Variants in TMEM181 observed in about 807,000 individuals in gnomAD.
The protein encoded by TMEM181 is transmembrane protein 181.
A neutral mutation model predicts 71.9 loss-of-function variants in TMEM181; 39 were observed. That is an observed-to-expected ratio of 0.54 (90% confidence interval 0.42 to 0.71). The LOEUF (loss-of-function observed/expected upper bound fraction) is 0.71. Ranked by LOEUF, TMEM181 falls within the 30% of genes least tolerant of loss-of-function variation. The probability of loss-of-function intolerance (pLI) is 0.00; values close to 1 mark genes in which losing one functional copy is unlikely to be tolerated. For missense variants in TMEM181, 595 were observed against 583.0 expected, an observed-to-expected ratio of 1.02 and a Z score of -0.21; for synonymous variants, 245 against 228.8, an observed-to-expected ratio of 1.07 and a Z score of -0.64.
At chr6:158,585,893 C>T (rs1213203276) in intron 5 of TMEM181, among the ~76,000 whole-genome samples, 2 of 152,158 alleles carry the variant, frequency 1.3e-5, no homozygotes, top group Admixed American at 6.5e-5. Context: ...GGCACAATCA[C>T]AGCTCACTGC....
In TMEM181 at chr6:158,607,359, T is replaced by C; in HGVS notation, c.673+16T>C. 6.2e-7 allele frequency: 1 copy of C among 1,608,926 alleles called. No homozygotes were observed. The highest frequency in any genetic ancestry group is 8.5e-7 in the Non-Finnish European group (1 of 1,175,240). ...CTTTACAATGGTGGGTAGTTCCATT[T>C]TTACTTAGGAACTTTTCCCTTTAAA... On this transcript the variant is annotated intron_variant, in intron 8 of 16. Transcript: ENST00000684151.
At chr6:158,563,862 A>G (rs1406983894) in intron 1 of TMEM181, among the ~76,000 whole-genome samples, 1 of 151,466 alleles carries the variant, frequency 6.6e-6, no homozygotes, top group Non-Finnish European at 1.5e-5. Context: ...GCTCACTGCA[A>G]CCTTTGCCTC....
chr6:158,572,668 C>T (rs1393015475), intron 1 of TMEM181, among the ~76,000 whole-genome samples: 2 of 152,152 alleles, frequency 1.3e-5, no homozygotes, highest in African/African-American at 4.8e-5. Context: ...GTTTGCTGGC[C>T]CTTGATACAG....
At chr6:158,578,357 C>T (rs1354239276) in intron 2 of TMEM181, among the ~76,000 whole-genome samples, 1 of 152,088 alleles carries the variant, frequency 6.6e-6, no homozygotes, top group East Asian at 1.9e-4. Context: ...TGGTGTATAA[C>T]TCCATTTTTT....
chr6:158,596,763 G>A (rs969404140), intron 6 of TMEM181, among the ~76,000 whole-genome samples: 9 of 152,148 alleles, frequency 5.9e-5, no homozygotes, highest in African/African-American at 1.9e-4. Flanking sequence ...TTACATGGGA[G>A]CAGCAAGAGA....
Position 158,602,097 on chromosome 6 carries a change from C to G in TMEM181, c.493-3170C>G, listed in dbSNP as rs117775382. Reference sequence around the variant, plus strand: ...TTGTGCCCCTTCCTCCTGTCCTTTCCCATCCCTGGGAAGTCACTGATCTGT... The same window carrying G: ...TTGTGCCCCTTCCTCCTGTCCTTTCGCATCCCTGGGAAGTCACTGATCTGT... On this transcript the variant is annotated intron_variant, in intron 6 of 16. Coordinates refer to ENST00000684151, the MANE Select transcript of TMEM181 (RefSeq NM_001376852.1). Among the ~76,000 whole-genome samples the G allele has an allele frequency of 3.2e-3, 487 of 152,332 alleles. 6 individuals are homozygous for G. The highest frequency in any genetic ancestry group is 5.5e-3 in the Non-Finnish European group (371 of 68,026).
intron 10 of TMEM181, among the ~76,000 whole-genome samples, chr6:158,616,449 CT>C (rs934524746): frequency 6.6e-6 from 1 of 152,102 alleles, no homozygotes; most frequent in Non-Finnish European, 1.5e-5. Context: ...ATTTGACTTC[CT>C]TTTTTCCTAA....
chr6:158,626,910 C>CCTCACCCTCATT (rs369391338), intron 13 of TMEM181, among the ~76,000 whole-genome samples: 10 of 133,368 alleles, frequency 7.5e-5, no homozygotes, highest in Admixed American at 3.1e-4. Flanking sequence ...ACTCACACAC[C>CCTCACCCTCATT]CTCACCCTCA....
chr6:158,581,560 T>A (rs1204315610), intron 3 of TMEM181, among the ~76,000 whole-genome samples: 1 of 152,026 alleles, frequency 6.6e-6, no homozygotes. Flanking sequence ...GAGACCATCC[T>A]GGCTAACATG....
intron 1 of TMEM181, among the ~76,000 whole-genome samples, chr6:158,537,864 T>G (rs887711532): frequency 2.0e-5 from 3 of 152,196 alleles, no homozygotes; most frequent in African/African-American, 7.2e-5. Context: ...CGTGTCACAC[T>G]TATCCTCACA....
At chr6:158,625,040 G>T in intron 11 of TMEM181, 64 bp from the exon 12 acceptor site, 2 of 1,260,726 alleles carry the variant, frequency 1.6e-6, no homozygotes, top group Non-Finnish European at 2.3e-6. Context: ...GCCTGTGGTG[G>T]TGCTGGGAGG....
At position 158,634,577 on chromosome 6, in the gene TMEM181, A is replaced by G. The variant is rs1349624811; in HGVS notation, c.*2689A>G. The G allele has an allele frequency of 2.0e-5, 3 of 152,200 alleles. No individual in the cohort carries two copies. Among genetic ancestry groups the G allele is most frequent in the Non-Finnish European group, 4.4e-5 (3 of 68,032 alleles). The allele number at this position is 152,200 out of a possible 1,614,324, so 9.4% of individuals were successfully genotyped here. On this transcript the variant is annotated 3_prime_UTR_variant, in exon 17 of 17. Transcript: ENST00000684151. ...GAGAGCTTCGTTATCCATGTGGATG[A>G]TAAGTCTGCTTGATTTATTATTAAA... is the stretch of plus-strand genomic sequence containing the variant.
chr6:158,595,452 T>A lies in TMEM181; in HGVS notation c.492+5670T>A, dbSNP rs140424667. On this transcript the variant is annotated intron_variant, in intron 6 of 16. Coordinates refer to ENST00000684151, the MANE Select transcript of TMEM181 (RefSeq NM_001376852.1). ...GGGAGCGTGTAAATTGATACAGCAG[T>A]AATGCATACGTATATTGACCAAAAG... is the stretch of plus-strand genomic sequence containing the variant. 1.2e-3 allele frequency among the ~76,000 whole-genome samples: 186 copies of A among 152,332 alleles called. 2 individuals carry two copies. Among genetic ancestry groups the A allele is most frequent in the African/African-American group, 3.5e-3 (146 of 41,576 alleles).
chr6:158,624,714 T>C (rs1786168950), intron 11 of TMEM181, among the ~76,000 whole-genome samples: 1 of 152,232 alleles, frequency 6.6e-6, no homozygotes, highest in Non-Finnish European at 1.5e-5. Flanking sequence ...GGGCCTAGCC[T>C]GGGTCCTTTC....
intron 10 of TMEM181, chr6:158,611,063 T>G (rs933231900): frequency 8.6e-6 from 4 of 462,798 alleles, no homozygotes; most frequent in African/African-American, 2.0e-5. Flanking sequence ...ATCCAGAAAC[T>G]CGAGGGGTGG....
chr6:158,619,262 C>G (rs1308350384), intron 10 of TMEM181, among the ~76,000 whole-genome samples: 1 of 152,290 alleles, frequency 6.6e-6, no homozygotes, highest in South Asian at 2.1e-4. Flanking sequence ...GTTACTGATA[C>G]CCTTTCTTCC....
chr6:158,575,015 G>A (rs1010908857), intron 2 of TMEM181, among the ~76,000 whole-genome samples: 1 of 152,190 alleles, frequency 6.6e-6, no homozygotes, highest in Non-Finnish European at 1.5e-5. Context: ...CCCTTACTCA[G>A]CCAATTTGTT....
At chr6:158,600,447 G>T (rs1784606698) in intron 6 of TMEM181, among the ~76,000 whole-genome samples, 1 of 142,460 alleles carries the variant, frequency 7.0e-6, no homozygotes, top group African/African-American at 2.6e-5. Context: ...ACCGTGCCTG[G>T]CCTAGGGTTA....
chr6:158,554,897 CG>C (rs1334310964), intron 1 of TMEM181, among the ~76,000 whole-genome samples: 1 of 152,146 alleles, frequency 6.6e-6, no homozygotes, highest in Admixed American at 6.5e-5. Flanking sequence ...TTATTTGCCC[CG>C]ATAGGTAATC....
Sources: allele counts gnomAD v4.1 joint callset (sites outside exome capture counted in the v4.1 genomes callset), GRCh38; gene constraint gnomAD v4.1.1; transcripts MANE v1.5; gene names NCBI Gene and HGNC (gene_info 2026-07-23, HGNC 2026-07-21).